GRB10: variants seen among roughly 807,000 people sequenced by gnomAD.
The protein encoded by GRB10 is growth factor receptor-bound protein 10.
In GRB10, 20 loss-of-function variants were observed where a neutral mutation model predicts 80.9. The ratio of observed to expected loss-of-function variants is 0.25; its 90% CI spans 0.17 to 0.36. The LOEUF is 0.36. Ranked by LOEUF, GRB10 falls within the 10% of genes least tolerant of loss-of-function variation. The pLI is 1.00. For synonymous variants in GRB10, 291 were observed against 291.5 expected (o/e 1.00, Z 0.02); for missense variants, 548 against 747.7 (o/e 0.73, Z 3.12).
chr7:50,633,709 A>AC (rs111949115), intron 7 of GRB10, among the ~76,000 whole-genome samples: 4 of 151,484 alleles, frequency 2.6e-5, no homozygotes, highest in Non-Finnish European at 5.9e-5. Flanking sequence ...AAAACAAACA[A>AC]AACAACAACA....
intron 5 of GRB10, among the ~76,000 whole-genome samples, chr7:50,697,729 A>G (rs1346260467): frequency 6.6e-6 from 1 of 152,220 alleles, no homozygotes. Context: ...CATCTCGTTA[A>G]AAAGAATCCC....
chr7:50,748,353 G>C (rs1199226860), intron 3 of GRB10, among the ~76,000 whole-genome samples: 1 of 152,248 alleles, frequency 6.6e-6, no homozygotes. Flanking sequence ...GTGCCATGCA[G>C]ATGGACACGA....
At chr7:50,651,538 C>A (rs2058010213) in intron 7 of GRB10, among the ~76,000 whole-genome samples, 1 of 152,192 alleles carries the variant, frequency 6.6e-6, no homozygotes, top group South Asian at 2.1e-4. Context: ...ATCACATCTG[C>A]AACATTATTT....
intron 8 of GRB10, among the ~76,000 whole-genome samples, chr7:50,622,943 A>C (rs1232842670): frequency 1.3e-5 from 2 of 152,172 alleles, no homozygotes; most frequent in Non-Finnish European, 2.9e-5. Context: ...GGCATGAGCC[A>C]CTGTGCCTGG....
chr7:50,723,160 CT>C (rs1488756496), intron 4 of GRB10, among the ~76,000 whole-genome samples: 1 of 151,874 alleles, frequency 6.6e-6, no homozygotes, highest in African/African-American at 2.4e-5. Flanking sequence ...TACCAAGTAG[CT>C]TTTTTTTCTT....
chr7:50,694,550 T>G (rs2063213463), intron 5 of GRB10, among the ~76,000 whole-genome samples: 1 of 152,150 alleles, frequency 6.6e-6, no homozygotes, highest in Non-Finnish European at 1.5e-5. Context: ...AATTCTCAGA[T>G]CCTGTCTCCA....
chr7:50,613,642 C>T (rs900663044), intron 12 of GRB10, among the ~76,000 whole-genome samples: 1 of 152,216 alleles, frequency 6.6e-6, no homozygotes, highest in African/African-American at 2.4e-5. Context: ...ATGAGAGAAG[C>T]AGAGACTGCG....
chr7:50,738,809 T>C (rs1324128401), intron 3 of GRB10, among the ~76,000 whole-genome samples: 1 of 152,244 alleles, frequency 6.6e-6, no homozygotes, highest in African/African-American at 2.4e-5. Flanking sequence ...TTAACCGTTG[T>C]CAGATGATTA....
At chr7:50,627,159 C>A (rs551420291) in intron 7 of GRB10, among the ~76,000 whole-genome samples, 181 bp from the exon 8 acceptor site, 1 of 152,262 alleles carries the variant, frequency 6.6e-6, no homozygotes, top group African/African-American at 2.4e-5. Context: ...CTCCCTATCT[C>A]CCCTTTCCCA....
rs1056102499 is a variant in GRB10, at chr7:50,669,870, G to A, written c.363-7C>T. ...GTCTTCCTCCTGAAGGCGCCTGGAA[G>A]GCAGGGATAAGTGCCTGTTAAAAGC... On this transcript the variant is annotated splice_polypyrimidine_tract_variant and splice_region_variant and intron_variant, in intron 6 of 18. Coordinates refer to ENST00000401949, the MANE Select transcript of GRB10 (RefSeq NM_001350814.2). The A allele has an allele frequency of 1.9e-6, 3 of 1,607,816 alleles. No homozygotes were observed. The highest frequency in any genetic ancestry group is 2.7e-5 in the African/African-American group (2 of 74,804).
chr7:50,593,606 G>A (rs778936861), intron 18 of GRB10, among the ~76,000 whole-genome samples: 5 of 152,148 alleles, frequency 3.3e-5, no homozygotes, highest in East Asian at 1.9e-4. Context: ...CCGTTCCTAG[G>A]TCCCTGAATA....
chr7:50,660,095 G>A (rs2715127), intron 7 of GRB10, among the ~76,000 whole-genome samples: 137,392 of 152,240 alleles, frequency 0.9, 62,203 homozygotes, highest in African/African-American at 0.96. Flanking sequence ...CAGTGATCAC[G>A]TGGCAAAGGG....
intron 2 of GRB10, among the ~76,000 whole-genome samples, chr7:50,767,577 CTT>C (rs1338004416): frequency 3.9e-5 from 6 of 152,172 alleles, no homozygotes; most frequent in South Asian, 4.2e-4. Context: ...CCATCGCACT[CTT>C]GAGTCACAGT....
chr7:50,678,726 C>T (rs573791037), intron 5 of GRB10, among the ~76,000 whole-genome samples: 1 of 152,292 alleles, frequency 6.6e-6, no homozygotes, highest in African/African-American at 2.4e-5. Context: ...TTCTTACAAG[C>T]ATCCCTATGG....
intron 5 of GRB10, among the ~76,000 whole-genome samples, chr7:50,701,048 A>G (rs539117968): frequency 4.8e-4 from 73 of 151,926 alleles, no homozygotes; most frequent in Non-Finnish European, 7.9e-4. Flanking sequence ...TTCTCTTCAC[A>G]TCTTGTTTTT....
chr7:50,768,180 G>A (rs2076558829), intron 2 of GRB10, among the ~76,000 whole-genome samples: 1 of 152,154 alleles, frequency 6.6e-6, no homozygotes, highest in Non-Finnish European at 1.5e-5. Context: ...CCATGACCTG[G>A]CGACAAACTG....
At chr7:50,662,751 C>T (rs899462467) in intron 7 of GRB10, among the ~76,000 whole-genome samples, 4 of 152,174 alleles carry the variant, frequency 2.6e-5, no homozygotes, top group African/African-American at 9.7e-5. Flanking sequence ...TAGTAACCAC[C>T]AACGGATGCT....
intron 5 of GRB10, among the ~76,000 whole-genome samples, chr7:50,680,457 T>C (rs2061414957): frequency 6.6e-6 from 1 of 152,214 alleles, no homozygotes; most frequent in Non-Finnish European, 1.5e-5. Context: ...TTTGTAAGAA[T>C]ATACGTTTTT....
At chr7:50,764,824 A>C (rs1275315176) in intron 2 of GRB10, among the ~76,000 whole-genome samples, 2 of 152,236 alleles carry the variant, frequency 1.3e-5, no homozygotes, top group Non-Finnish European at 2.9e-5. Flanking sequence ...AGGAATAAGC[A>C]ACACTGCCGT....
Sources: gnomAD v4.1 joint callset for allele counts (sites outside exome capture counted in the v4.1 genomes callset) on GRCh38, gnomAD v4.1.1 for gene constraint, MANE v1.5 for transcripts, NCBI Gene and HGNC (gene_info 2026-07-23, HGNC 2026-07-21) for gene names.